TAFA2: variants seen among roughly 807,000 people sequenced by gnomAD.
TAFA2 encodes the protein TAFA chemokine like family member 2.
In TAFA2, 7 loss-of-function variants were observed where a neutral mutation model predicts 18.8. That is an observed-to-expected ratio of 0.37 (90% CI 0.21 to 0.70). The LOEUF is 0.70. Ranked by LOEUF, TAFA2 falls within the 30% of genes least tolerant of loss-of-function variation. TAFA2 has a pLI of 0.53. For synonymous variants in TAFA2, 60 were observed against 54.2 expected, an observed-to-expected ratio of 1.11 and a Z score of -0.47; for missense variants, 122 against 158.1, an observed-to-expected ratio of 0.77 and a Z score of 1.23.
At chr12:62,035,681 G>C (rs1297937676) in intron 1 of TAFA2, among the ~76,000 whole-genome samples, 1 of 151,204 alleles carries the variant, frequency 6.6e-6, no homozygotes, top group East Asian at 1.9e-4. Context: ...GACCCTCTAG[G>C]GCAAGGTTTC....
chr12:62,243,019 G>A (rs1228715616), intron 1 of TAFA2, among the ~76,000 whole-genome samples: 2 of 152,100 alleles, frequency 1.3e-5, no homozygotes, highest in African/African-American at 4.8e-5. Flanking sequence ...ATAACAATGT[G>A]TGTTTTACCA....
Position 61,990,467 on chromosome 12 carries a change from G to A in TAFA2, c.-1-123041C>T, listed in dbSNP as rs1879967849. On this transcript the variant is annotated intron_variant, in intron 1 of 4. Transcript: ENST00000416284. Reference sequence around the variant, plus strand: ...CCATTCTCCTGCCTCAGCCTCCCGAGTAGCTGGGACTACAGGTGCCCGCCA... The same window carrying A: ...CCATTCTCCTGCCTCAGCCTCCCGAATAGCTGGGACTACAGGTGCCCGCCA... Among the ~76,000 whole-genome samples, 3 of 150,428 alleles carry A rather than the reference G, an allele frequency of 2.0e-5. No homozygotes were observed. In the Admixed American group the frequency reaches 2.0e-4, roughly 10 times the overall value.
intron 2 of TAFA2, among the ~76,000 whole-genome samples, chr12:61,855,788 G>C (rs978196029): frequency 1.3e-5 from 2 of 152,022 alleles, no homozygotes; most frequent in Non-Finnish European, 2.9e-5. Flanking sequence ...CTTAATATAT[G>C]AGAAAGGCAA....
intron 1 of TAFA2, among the ~76,000 whole-genome samples, chr12:61,939,880 G>A (rs1877925091): frequency 6.6e-6 from 1 of 152,190 alleles, no homozygotes; most frequent in Non-Finnish European, 1.5e-5. Context: ...CAATTACACT[G>A]AGCCTTAGTT....
In TAFA2 at chr12:61,823,576, C is replaced by T. The variant is rs983314947; in HGVS notation, c.106+43744G>A. Among the ~76,000 whole-genome samples the T allele has an allele frequency of 2.0e-5, 3 of 152,110 alleles. No individual in the cohort carries two copies. The East Asian group carries it at 5.8e-4, about 29-fold the overall frequency. On this transcript the variant is annotated intron_variant, in intron 2 of 4. Coordinates refer to ENST00000416284, the MANE Select transcript of TAFA2 (RefSeq NM_178539.5). ...ATCAGTAAAATAAGTAGTTGTACCA[C>T]ATAGCAGGCCAGGTCCTGTCCTGGT... is the stretch of plus-strand genomic sequence containing the variant.
At position 61,710,273 on chromosome 12, in the gene TAFA2, C is replaced by T. The variant is rs1160232816; in HGVS notation, c.*133G>A. On this transcript the variant is annotated 3_prime_UTR_variant, in exon 5 of 5. Transcript: ENST00000416284. ...TGATTTCAAGAAGAGGCCATGAAAT[C>T]CCTTGGAAATAGACTATTGAGCGCC... The T allele has an allele frequency of 3.9e-6, 3 of 763,460 alleles. No homozygotes were observed. Among genetic ancestry groups the T allele is most frequent in the Non-Finnish European group, 6.7e-6 (3 of 447,046 alleles). 47.3% of individuals were successfully genotyped at this position (763,460 alleles called of 1,614,324 possible). A position where few individuals can be genotyped will look rare whatever the true frequency, so the allele number is the denominator to read the frequency against.
chr12:62,033,577 A>C (rs148358262), intron 1 of TAFA2, among the ~76,000 whole-genome samples: 18 of 152,326 alleles, frequency 1.2e-4, no homozygotes, highest in African/African-American at 3.8e-4. Context: ...CCTAATTGCT[A>C]GTCCAAGATC....
intron 4 of TAFA2, among the ~76,000 whole-genome samples, chr12:61,742,465 T>C (rs180774830): frequency 1.2e-4 from 18 of 152,252 alleles, no homozygotes; most frequent in Admixed American, 2.0e-4. Context: ...CCTGGAACTC[T>C]ATTTCTGCAT....
At chr12:62,225,136 G>T (rs1592408929) in intron 1 of TAFA2, among the ~76,000 whole-genome samples, 3 of 152,136 alleles carry the variant, frequency 2.0e-5, no homozygotes, top group African/African-American at 7.2e-5. Context: ...ATGGTGGCGG[G>T]CTTAGTTTAA....
At chr12:62,117,392 T>C (rs1224603443) in intron 1 of TAFA2, among the ~76,000 whole-genome samples, 1 of 152,172 alleles carries the variant, frequency 6.6e-6, no homozygotes, top group Admixed American at 6.6e-5. Context: ...TCCAATTTTG[T>C]TTTCTAAATA....
At chr12:62,190,084 C>T (rs1362100919) in intron 1 of TAFA2, among the ~76,000 whole-genome samples, 2 of 151,750 alleles carry the variant, frequency 1.3e-5, no homozygotes, top group East Asian at 3.9e-4. Flanking sequence ...TCTCTTATTG[C>T]CATAATCAAA....
intron 1 of TAFA2, among the ~76,000 whole-genome samples, chr12:62,207,708 G>A (rs940499395): frequency 1.3e-5 from 2 of 152,266 alleles, no homozygotes; most frequent in Non-Finnish European, 2.9e-5. Flanking sequence ...TCTCCACAAT[G>A]TTATACTCAA....
At chr12:62,000,692 T>G (rs1304255516) in intron 1 of TAFA2, among the ~76,000 whole-genome samples, 2 of 114,358 alleles carry the variant, frequency 1.7e-5, no homozygotes. Context: ...AATAGAAATA[T>G]TCTTCCAAGG....
intron 2 of TAFA2, among the ~76,000 whole-genome samples, chr12:61,849,588 C>T (rs529804487): frequency 6.6e-6 from 1 of 152,114 alleles, no homozygotes; most frequent in South Asian, 2.1e-4. Context: ...AGAAAAGAAA[C>T]TAAATGTGGA....
rs187467448 is a variant in TAFA2 at position 62,121,303 on chromosome 12, T to C, written c.-2+69956A>G. ...GGGAGTGAGTATCATCATAAGGCTT[T>C]CAAGTCAGATATTTAAAAAGTATAG... On this transcript the variant is annotated intron_variant, in intron 1 of 4. Coordinates refer to ENST00000416284, the MANE Select transcript of TAFA2 (RefSeq NM_178539.5). 6.3e-3 allele frequency among the ~76,000 whole-genome samples: 964 copies of C among 152,240 alleles called. 12 individuals carry two copies. The highest frequency in any genetic ancestry group is 7.9e-3 in the Non-Finnish European group (537 of 68,018).
intron 1 of TAFA2, among the ~76,000 whole-genome samples, chr12:62,221,216 G>GGAAGGAAGGAA (rs758941151): frequency 0.02 from 1,570 of 78,850 alleles, 129 homozygotes; most frequent in African/African-American, 0.067. Flanking sequence ...GAAGGAAGGG[G>GGAAGGAAGGAA]GGAAGGAAGG....
chr12:62,154,934 A>G (rs1221313956), intron 1 of TAFA2, among the ~76,000 whole-genome samples: 1 of 152,176 alleles, frequency 6.6e-6, no homozygotes, highest in African/African-American at 2.4e-5. Flanking sequence ...TAGTACTGGA[A>G]GTCCTAGCCA....
chr12:61,931,288 C>T (rs940935862), intron 1 of TAFA2, among the ~76,000 whole-genome samples: 6 of 152,104 alleles, frequency 3.9e-5, no homozygotes, highest in Non-Finnish European at 8.8e-5. Flanking sequence ...ATGCTGTATG[C>T]TTATATTAGA....
intron 4 of TAFA2, among the ~76,000 whole-genome samples, chr12:61,730,842 C>T (rs1870408694): frequency 1.3e-5 from 2 of 152,132 alleles, no homozygotes; most frequent in Non-Finnish European, 1.5e-5. Context: ...TACAAGCCTT[C>T]CCTCTGAGAA....
Sources: allele counts gnomAD v4.1 joint callset (sites outside exome capture counted in the v4.1 genomes callset), GRCh38; gene constraint gnomAD v4.1.1; transcripts MANE v1.5; gene names NCBI Gene and HGNC (gene_info 2026-07-23, HGNC 2026-07-21).